Variants in NKAIN2 observed in about 807,000 individuals in gnomAD.
NKAIN2 encodes the protein sodium/potassium transporting ATPase interacting 2.
NKAIN2 carries 14 observed loss-of-function variants against 32.6 expected under a neutral mutation model. That is an observed-to-expected ratio of 0.43 (90% CI 0.28 to 0.67). The LOEUF (loss-of-function observed/expected upper bound fraction) is 0.67, where lower values mean the gene tolerates loss of function less well. Among genes scored for constraint, NKAIN2 ranks in the 30% least tolerant of loss-of-function variants. The pLI, the probability that NKAIN2 is intolerant of heterozygous loss-of-function variation, is 0.17. For missense variants in NKAIN2, 198 were observed against 258.3 expected (o/e 0.77, Z 1.60); for synonymous variants, 80 against 87.2 (o/e 0.92, Z 0.46).
At chr6:124,613,840 C>T (rs1224977962) in intron 3 of NKAIN2, among the ~76,000 whole-genome samples, 1 of 152,148 alleles carries the variant, frequency 6.6e-6, no homozygotes, top group Non-Finnish European at 1.5e-5. Context: ...CACTCTTTGT[C>T]TAGTGCTTAG....
chr6:123,927,000 T>C (rs1277531898), intron 1 of NKAIN2, among the ~76,000 whole-genome samples: 2 of 152,230 alleles, frequency 1.3e-5, no homozygotes, highest in Non-Finnish European at 2.9e-5. Context: ...AGTTAAGATA[T>C]GGCAATATAA....
chr6:124,567,823 A>G (rs1780978432), intron 3 of NKAIN2, among the ~76,000 whole-genome samples: 1 of 152,174 alleles, frequency 6.6e-6, no homozygotes, highest in Non-Finnish European at 1.5e-5. Flanking sequence ...CAACTCTTTT[A>G]AAACACAAAA....
chr6:124,022,376 G>T lies in NKAIN2; in HGVS notation c.54+218122G>T, dbSNP rs978568872. 6.6e-5 allele frequency among the ~76,000 whole-genome samples: 10 copies of T among 152,122 alleles called. 1 individual carries two copies. The highest frequency in any genetic ancestry group is 2.4e-4 in the African/African-American group (10 of 41,426). On this transcript the variant is annotated intron_variant, in intron 1 of 6. Coordinates refer to ENST00000368417, the MANE Select transcript of NKAIN2 (RefSeq NM_001040214.3). ...ACATACCTGTGCATGTGTCTGTATA[G>T]CAGCATGATTTATAATCTTTTGGGT... is the stretch of plus-strand genomic sequence containing the variant.
intron 5 of NKAIN2, among the ~76,000 whole-genome samples, chr6:124,799,510 T>C (rs1040512865): frequency 6.6e-6 from 1 of 152,134 alleles, no homozygotes. Flanking sequence ...ATAAATCTGA[T>C]ATTTCCAAGT....
intron 1 of NKAIN2, among the ~76,000 whole-genome samples, chr6:123,857,433 TA>T (rs1418967093): frequency 1.3e-5 from 2 of 152,222 alleles, no homozygotes; most frequent in African/African-American, 4.8e-5. Flanking sequence ...TGGTTCATAA[TA>T]GCACCAATGT....
intron 1 of NKAIN2, among the ~76,000 whole-genome samples, chr6:123,997,594 ATTCTTTTTTT>A (rs1296631667): frequency 8.6e-6 from 1 of 116,618 alleles, no homozygotes; most frequent in Non-Finnish European, 1.8e-5. Context: ...ACTGGAGTTT[ATTCTTTTTTT>A]TTTTTTTTTT....
intron 1 of NKAIN2, among the ~76,000 whole-genome samples, chr6:124,070,592 A>G (rs1783409985): frequency 6.6e-6 from 1 of 152,234 alleles, no homozygotes; most frequent in East Asian, 1.9e-4. Context: ...AACATTCTGG[A>G]GCCATATTCC....
intron 3 of NKAIN2, among the ~76,000 whole-genome samples, chr6:124,364,499 A>G (rs775288268): frequency 6.6e-6 from 1 of 152,024 alleles, no homozygotes; most frequent in African/African-American, 2.4e-5. Flanking sequence ...AATCAAAGAG[A>G]AGATTATAAG....
chr6:124,059,941 T>C (rs1782847049), intron 1 of NKAIN2, among the ~76,000 whole-genome samples: 1 of 152,202 alleles, frequency 6.6e-6, no homozygotes, highest in South Asian at 2.1e-4. Context: ...CAGAGTACCT[T>C]GTGAAACAAA....
intron 4 of NKAIN2, among the ~76,000 whole-genome samples, chr6:124,659,523 A>C (rs570715355): frequency 2.6e-5 from 4 of 151,172 alleles, no homozygotes; most frequent in Non-Finnish European, 5.9e-5. Flanking sequence ...GTGTGTTGTG[A>C]TAGACTAAGG....
intron 3 of NKAIN2, among the ~76,000 whole-genome samples, chr6:124,561,873 A>G (rs141760073): frequency 6.6e-6 from 1 of 152,346 alleles, no homozygotes; most frequent in African/African-American, 2.4e-5. Flanking sequence ...ATAGCAGTCA[A>G]CAAATGCATG....
intron 2 of NKAIN2, among the ~76,000 whole-genome samples, chr6:124,287,932 C>T (rs900706940): frequency 1.3e-5 from 2 of 148,418 alleles, no homozygotes; most frequent in Admixed American, 6.6e-5. Context: ...TGCTGTGTAA[C>T]ATGCCAAAAA....
intron 3 of NKAIN2, among the ~76,000 whole-genome samples, chr6:124,426,868 C>T (rs1314342443): frequency 2.6e-5 from 4 of 152,122 alleles, no homozygotes; most frequent in African/African-American, 9.7e-5. Flanking sequence ...GGGAGTTTCC[C>T]TGAACTAGCT....
At chr6:124,037,105 C>G (rs1030319225) in intron 1 of NKAIN2, among the ~76,000 whole-genome samples, 17 of 152,034 alleles carry the variant, frequency 1.1e-4, no homozygotes, top group African/African-American at 4.1e-4. Flanking sequence ...AATTCTTTCT[C>G]CCATTGTCAG....
chr6:124,773,520 C>T (rs572922005), intron 4 of NKAIN2, among the ~76,000 whole-genome samples: 5 of 151,988 alleles, frequency 3.3e-5, no homozygotes, highest in African/African-American at 7.3e-5. Context: ...GGTTTATAGG[C>T]CTGCAGGCTG....
At chr6:124,677,139 T>C (rs547876892) in intron 4 of NKAIN2, among the ~76,000 whole-genome samples, 1 of 152,240 alleles carries the variant, frequency 6.6e-6, no homozygotes, top group Admixed American at 6.5e-5. Flanking sequence ...CAGCTAATTT[T>C]TGTATTTTTA....
chr6:124,798,523 C>T (rs1780112028), intron 5 of NKAIN2, among the ~76,000 whole-genome samples: 1 of 152,088 alleles, frequency 6.6e-6, no homozygotes, highest in African/African-American at 2.4e-5. Context: ...CTTTGCACGC[C>T]ACTAATCTCT....
intron 3 of NKAIN2, among the ~76,000 whole-genome samples, chr6:124,641,350 C>T (rs1291160133): frequency 6.6e-6 from 1 of 151,816 alleles, no homozygotes; most frequent in Non-Finnish European, 1.5e-5. Flanking sequence ...AAGGCAGTCG[C>T]GATAAGACTT....
At chr6:124,121,162 T>C (rs1286666024) in intron 1 of NKAIN2, among the ~76,000 whole-genome samples, 2 of 152,066 alleles carry the variant, frequency 1.3e-5, no homozygotes, top group African/African-American at 4.8e-5. Flanking sequence ...ATGTAATCAC[T>C]CCTCACCTTG....
Sources: gnomAD v4.1 joint callset for allele counts (sites outside exome capture counted in the v4.1 genomes callset) on GRCh38, gnomAD v4.1.1 for gene constraint, MANE v1.5 for transcripts, NCBI Gene and HGNC (gene_info 2026-07-23, HGNC 2026-07-21) for gene names.